Variants in PHACTR2 observed in about 807,000 individuals in gnomAD.
PHACTR2 encodes phosphatase and actin regulator 2, also known as chromosome 6 open reading frame 56.
In PHACTR2, 30 loss-of-function variants were observed where a neutral mutation model predicts 76.0. The ratio of observed to expected loss-of-function variants is 0.39; its 90% CI spans 0.30 to 0.54. The LOEUF (loss-of-function observed/expected upper bound fraction) is 0.54, where lower values mean the gene tolerates loss of function less well. PHACTR2 is among the 20% of genes least tolerant of loss of function. The pLI is 0.61. For missense variants in PHACTR2, 696 were observed against 781.1 expected (o/e 0.89, Z 1.30); for synonymous variants, 292 against 292.5 (o/e 1.00, Z 0.02).
At chr6:143,544,206 A>G (rs1018309452) in intron 1 of PHACTR2, among the ~76,000 whole-genome samples, 6 of 137,366 alleles carry the variant, frequency 4.4e-5, no homozygotes, top group Non-Finnish European at 9.5e-5. Flanking sequence ...CTTGTGTGAT[A>G]GTAGGTCATA....
chr6:143,724,309 T>C (rs1247841996), intron 2 of PHACTR2, among the ~76,000 whole-genome samples: 2 of 152,100 alleles, frequency 1.3e-5, no homozygotes, highest in Non-Finnish European at 2.9e-5. Flanking sequence ...TTTTTTTGTA[T>C]TTTTAGTAGA....
At chr6:143,632,071 C>T (rs1247838085) in intron 1 of PHACTR2, among the ~76,000 whole-genome samples, 1 of 152,184 alleles carries the variant, frequency 6.6e-6, no homozygotes, top group Non-Finnish European at 1.5e-5. Context: ...CCCAACCTGG[C>T]CCCCTGCCCC....
At position 143,823,607 on chromosome 6, in the gene PHACTR2, A is replaced by G; in HGVS notation, c.1923-67A>G. On this transcript the variant is annotated intron_variant, in intron 12 of 12. Coordinates refer to ENST00000440869, the MANE Select transcript of PHACTR2 (RefSeq NM_001100164.2). This position sits in a 1 kb window ranked among gnomAD's most constrained non-coding sequence, Gnocchi z 5.7. Reference sequence around the variant, plus strand: ...TTCATTGTAAACATGACCACGCCTTATTCAGCTCACTGCATGCAGAATGTG... The same window carrying G: ...TTCATTGTAAACATGACCACGCCTTGTTCAGCTCACTGCATGCAGAATGTG... 1.6e-6 allele frequency: 2 copies of G among 1,276,078 alleles called. No individual in the cohort carries two copies. Among genetic ancestry groups the G allele is most frequent in the African/African-American group, 1.5e-5 (1 of 68,698 alleles). The allele number at this position is 1,276,078 out of a possible 1,614,324, so 79.0% of individuals were successfully genotyped here.
rs139144039 is a variant in PHACTR2 at position 143,616,685 on chromosome 6, T to C, written c.13+8363T>C. On this transcript the variant is annotated intron_variant, in intron 1 of 11. Transcript: ENST00000305766. The surrounding 1 kb of genome is among the most constrained non-coding windows in gnomAD (Gnocchi z 4.9). The stretch of plus-strand genomic sequence containing the variant: ...TAGAGAAAGCAAAATTAGTAATGAA[T>C]AGACAAAATGCTTGGGGTTGTGATC... Among the ~76,000 whole-genome samples, 1 of 152,280 alleles carries C rather than the reference T, an allele frequency of 6.6e-6. No individual in the cohort carries two copies. Among genetic ancestry groups the C allele is most frequent in the African/African-American group, 2.4e-5 (1 of 41,554 alleles).
In PHACTR2 at chr6:143,647,898, T is replaced by C. The variant is rs1017869767; in HGVS notation, c.13+39576T>C. On this transcript the variant is annotated intron_variant, in intron 1 of 11. Coordinates refer to the PHACTR2 transcript ENST00000305766. The surrounding 1 kb of genome is among the most constrained non-coding windows in gnomAD (Gnocchi z 4.2). ...CAACTCAGGGAGGCGTTGTAGGCCCTGGTAAGGATTTAGGACTTTCTTTTG... is the reference window on the plus strand; with the variant it reads ...CAACTCAGGGAGGCGTTGTAGGCCCCGGTAAGGATTTAGGACTTTCTTTTG... Among the ~76,000 whole-genome samples the C allele has an allele frequency of 5.9e-5, 9 of 152,148 alleles. No homozygotes were observed. The highest frequency in any genetic ancestry group is 1.2e-4 in the Non-Finnish European group (8 of 68,014).
In PHACTR2 at chr6:143,767,971, G is replaced by A. The variant is rs1283267556; in HGVS notation, c.1232+2173G>A. Among the ~76,000 whole-genome samples, 1 of 152,116 alleles carries A rather than the reference G, an allele frequency of 6.6e-6. No individual in the cohort carries two copies. The highest frequency in any genetic ancestry group is 1.9e-4 in the East Asian group (1 of 5,192). On this transcript the variant is annotated intron_variant, in intron 6 of 12. Transcript: ENST00000440869. The surrounding 1 kb of genome is among the most constrained non-coding windows in gnomAD (Gnocchi z 4.4). ...TCCTGCCTCAGCCTCCCCAGTAACT[G>A]GAACTACGGGTGCCTGCCACCACGC... is the stretch of plus-strand genomic sequence containing the variant.
At position 143,807,156 on chromosome 6, in the gene PHACTR2, G is replaced by C; in HGVS notation, c.1922+23G>C. The C allele has an allele frequency of 6.9e-7, 1 of 1,443,984 alleles. No individual in the cohort carries two copies. Among genetic ancestry groups the C allele is most frequent in the Non-Finnish European group, 9.7e-7 (1 of 1,034,734 alleles). 89.4% of individuals were successfully genotyped at this position (1,443,984 alleles called of 1,614,324 possible). A position where few individuals can be genotyped will look rare whatever the true frequency, so the allele number is the denominator to read the frequency against. On this transcript the variant is annotated intron_variant, in intron 12 of 12. Coordinates refer to ENST00000440869, the MANE Select transcript of PHACTR2 (RefSeq NM_001100164.2). The surrounding 1 kb of genome is among the most constrained non-coding windows in gnomAD (Gnocchi z 5.5). ...AAGGTAGGTGACAAAATGCAGCTTA[G>C]AAATTGAAAATGCTTAAGATGTGAT...
At chr6:143,720,919 T>C (rs561719353) in intron 2 of PHACTR2, among the ~76,000 whole-genome samples, 40 of 152,224 alleles carry the variant, frequency 2.6e-4, no homozygotes, top group Non-Finnish European at 4.1e-4. Context: ...GCCTTGGTTG[T>C]CAATCTTGAT....
chr6:143,640,250 A>G (rs759616297), intron 1 of PHACTR2, among the ~76,000 whole-genome samples: 1 of 152,210 alleles, frequency 6.6e-6, no homozygotes, highest in Non-Finnish European at 1.5e-5. Context: ...TATACTTTTA[A>G]TCACCATTTT....
At chr6:143,640,508 C>T (rs987073670) in intron 1 of PHACTR2, among the ~76,000 whole-genome samples, 2 of 150,128 alleles carry the variant, frequency 1.3e-5, no homozygotes, top group South Asian at 2.1e-4. Flanking sequence ...AGAAGTGAGC[C>T]AGGAGACGAG....
chr6:143,695,471 C>A lies in PHACTR2; in HGVS notation c.47-16545C>A, dbSNP rs1051579889. Among the ~76,000 whole-genome samples, 1 of 152,212 alleles carries A rather than the reference C, an allele frequency of 6.6e-6. No homozygotes were observed. Among genetic ancestry groups the A allele is most frequent in the Non-Finnish European group, 1.5e-5 (1 of 68,032 alleles). Reference sequence around the variant, plus strand: ...ATACCCTAAGGCATAAAAATGGCGTCTTACTATAGACAGTGGAAATAACTG... The same window carrying A: ...ATACCCTAAGGCATAAAAATGGCGTATTACTATAGACAGTGGAAATAACTG... On this transcript the variant is annotated intron_variant, in intron 1 of 12. Transcript: ENST00000440869. The surrounding 1 kb of genome is among the most constrained non-coding windows in gnomAD (Gnocchi z 4.4).
At position 143,617,223 on chromosome 6, in the gene PHACTR2, C is replaced by T. The variant is rs1426408876; in HGVS notation, c.13+8901C>T. On this transcript the variant is annotated intron_variant, in intron 1 of 11. Transcript: ENST00000305766. The surrounding 1 kb of genome is among the most constrained non-coding windows in gnomAD (Gnocchi z 4.8). ...CACATATCCCATCTTACAACGTCTT[C>T]CCAACTGGTCTCCAAGCCCTGAATT... Among the ~76,000 whole-genome samples the T allele has an allele frequency of 6.6e-6, 1 of 152,210 alleles. No homozygotes were observed. The highest frequency in any genetic ancestry group is 1.5e-5 in the Non-Finnish European group (1 of 68,036).
In PHACTR2 at chr6:143,585,128, G is replaced by A. The variant is rs79489282; in HGVS notation, c.217+47921G>A. 0.078 allele frequency among the ~76,000 whole-genome samples: 11,796 copies of A among 152,110 alleles called. 546 individuals carry two copies. The highest frequency in any genetic ancestry group is 0.11 in the South Asian group (517 of 4,806). Reference sequence around the variant, plus strand: ...AGGACCAAGGCCTGGCAGTAGACCCGTACACCAAGGGGGACCAGTGGAAGA... The same window carrying A: ...AGGACCAAGGCCTGGCAGTAGACCCATACACCAAGGGGGACCAGTGGAAGA... On this transcript the variant is annotated intron_variant, in intron 1 of 11. Transcript: ENST00000367584. This position sits in a 1 kb window ranked among gnomAD's most constrained non-coding sequence, Gnocchi z 5.2.
intron 1 of PHACTR2, among the ~76,000 whole-genome samples, chr6:143,644,147 C>A (rs1156907944): frequency 6.6e-6 from 1 of 152,158 alleles, no homozygotes. Context: ...TATAATCACA[C>A]TTTTTCCATT....
In PHACTR2 at chr6:143,807,168, G is replaced by T. The variant is rs1236718394; in HGVS notation, c.1922+35G>T. 3 of 1,259,738 alleles carry T rather than the reference G, an allele frequency of 2.4e-6. No homozygotes were observed. The Admixed American group carries it at 5.7e-5, about 24-fold the overall frequency. The allele number at this position is 1,259,738 out of a possible 1,614,324, so 78.0% of individuals were successfully genotyped here. On this transcript the variant is annotated intron_variant, in intron 12 of 12. Transcript: ENST00000440869. The surrounding 1 kb of genome is among the most constrained non-coding windows in gnomAD (Gnocchi z 5.5). ...AAAATGCAGCTTAGAAATTGAAAAT[G>T]CTTAAGATGTGATCCCATGTTGAGT...
intron 1 of PHACTR2, among the ~76,000 whole-genome samples, chr6:143,544,774 G>A (rs763350727): frequency 6.6e-6 from 1 of 152,066 alleles, no homozygotes; most frequent in Non-Finnish European, 1.5e-5. Flanking sequence ...TACACACTAG[G>A]TGCTCAGTAG....
At chr6:143,615,319 C>T (rs1776042644) in intron 1 of PHACTR2, among the ~76,000 whole-genome samples, 1 of 152,108 alleles carries the variant, frequency 6.6e-6, no homozygotes, top group Non-Finnish European at 1.5e-5. Context: ...TTTTCCATAG[C>T]ATTGAGCACC....
At position 143,641,466 on chromosome 6, in the gene PHACTR2, T is replaced by C. The variant is rs1436196463; in HGVS notation, c.13+33144T>C. On this transcript the variant is annotated intron_variant, in intron 1 of 11. Transcript: ENST00000305766. The surrounding 1 kb of genome is among the most constrained non-coding windows in gnomAD (Gnocchi z 5.8). The stretch of plus-strand genomic sequence containing the variant: ...ACTTCTTACCTTCAGATCTGTGAAA[T>C]AATACATTTCTGTTGTTGATTTGTT... Among the ~76,000 whole-genome samples, 1 of 152,132 alleles carries C rather than the reference T, an allele frequency of 6.6e-6. No individual in the cohort carries two copies. The highest frequency in any genetic ancestry group is 6.6e-5 in the Admixed American group (1 of 15,262).
rs1776142829 is a variant in PHACTR2, at chr6:143,809,963, T to A, written c.1922+2830T>A. Among the ~76,000 whole-genome samples the A allele has an allele frequency of 6.6e-6, 1 of 151,920 alleles. No individual in the cohort carries two copies. The highest frequency in any genetic ancestry group is 6.6e-5 in the Admixed American group (1 of 15,232). ...CTGTCTCTACTAAAAATACAAAAAT[T>A]AGCTGAGCGTAGTGGCTCACAGCTG... On this transcript the variant is annotated intron_variant, in intron 12 of 12. Transcript: ENST00000440869. This position sits in a 1 kb window ranked among gnomAD's most constrained non-coding sequence, Gnocchi z 4.2.
Sources: allele counts gnomAD v4.1 joint callset (sites outside exome capture counted in the v4.1 genomes callset), GRCh38; gene constraint gnomAD v4.1.1; non-coding constraint Gnocchi (gnomAD v3.1); transcripts MANE v1.5; gene names NCBI Gene and HGNC (gene_info 2026-07-23, HGNC 2026-07-21).